The following RPS6KC1 variants were observed in gnomAD, a reference collection of about 807,000 sequenced individuals.
RPS6KC1 encodes inactive ribosomal protein S6 kinase delta-1.
A neutral mutation model predicts 103.8 loss-of-function variants in RPS6KC1; 54 were observed. The ratio of observed to expected loss-of-function variants is 0.52; its 90% CI spans 0.42 to 0.65. The LOEUF is 0.65. Among genes scored for constraint, RPS6KC1 ranks in the 30% least tolerant of loss-of-function variants. The pLI, the probability that RPS6KC1 is intolerant of heterozygous loss-of-function variation, is 0.00. For missense variants in RPS6KC1, 1,151 were observed against 1,253.8 expected (o/e 0.92, Z 1.24); for synonymous variants, 439 against 438.7 (o/e 1.00, Z -0.01).
At chr1:213,445,170 T>C in the RPS6KC1 span, among the ~76,000 whole-genome samples, 1 of 152,260 alleles carries the variant, frequency 6.6e-6, no homozygotes, top group Non-Finnish European at 1.5e-5. Flanking sequence ...TGTTGTCTCA[T>C]GCATCAGCAC....
chr1:213,382,193 A>C, the RPS6KC1 span, among the ~76,000 whole-genome samples: 1 of 152,150 alleles, frequency 6.6e-6, no homozygotes, highest in African/African-American at 2.4e-5. Flanking sequence ...GGGTTGTTTA[A>C]CCAACACTTA....
chr1:213,818,256 T>C, the RPS6KC1 span: 3 of 152,132 alleles, frequency 2.0e-5, no homozygotes, highest in African/African-American at 7.2e-5. Context: ...TTAAGCTCAG[T>C]GAGGAAGGCA....
At chr1:213,311,173 C>T in the RPS6KC1 span, among the ~76,000 whole-genome samples, 2 of 149,508 alleles carry the variant, frequency 1.3e-5, no homozygotes, top group African/African-American at 2.5e-5. Flanking sequence ...GAGTCTCGCT[C>T]TGTTGCCCAG....
At chr1:213,295,992 A>T in the RPS6KC1 span, among the ~76,000 whole-genome samples, 1 of 152,314 alleles carries the variant, frequency 6.6e-6, no homozygotes, top group African/African-American at 2.4e-5. Flanking sequence ...GCAATTTTAG[A>T]ATATTTCTGT....
chr1:213,133,511 T>C (rs1046977992), intron 6 of RPS6KC1, among the ~76,000 whole-genome samples: 1 of 152,186 alleles, frequency 6.6e-6, no homozygotes, highest in African/African-American at 2.4e-5. Context: ...TGCAAACATT[T>C]AATATAATGA....
the RPS6KC1 span, among the ~76,000 whole-genome samples, chr1:213,828,870 A>G: frequency 1.3e-5 from 2 of 152,220 alleles, no homozygotes; most frequent in African/African-American, 2.4e-5. Context: ...TATCTTTCCT[A>G]TGTGGTATAA....
At chr1:213,099,114 A>G (rs1338490804) in intron 3 of RPS6KC1, among the ~76,000 whole-genome samples, 1 of 152,200 alleles carries the variant, frequency 6.6e-6, no homozygotes, top group Admixed American at 6.5e-5. Flanking sequence ...ATACACAAGT[A>G]GAGAATGGTT....
chr1:213,223,349 A>G (rs1386886282), intron 8 of RPS6KC1, among the ~76,000 whole-genome samples: 1 of 152,108 alleles, frequency 6.6e-6, no homozygotes, highest in African/African-American at 2.4e-5. Context: ...GTAGTATTTT[A>G]TCCTTCACCC....
chr1:213,108,952 A>G (rs1056596461), intron 4 of RPS6KC1, among the ~76,000 whole-genome samples: 1 of 151,886 alleles, frequency 6.6e-6, no homozygotes, highest in Non-Finnish European at 1.5e-5. Flanking sequence ...ACCTGGCTGA[A>G]GGTATTGGAA....
chr1:213,521,569 A>G, the RPS6KC1 span, among the ~76,000 whole-genome samples: 31 of 152,182 alleles, frequency 2.0e-4, no homozygotes, highest in Non-Finnish European at 7.3e-5. Context: ...GTACTGTTTG[A>G]TAGCATTTTA....
At chr1:213,323,093 T>C in the RPS6KC1 span, among the ~76,000 whole-genome samples, 1 of 151,916 alleles carries the variant, frequency 6.6e-6, no homozygotes, top group African/African-American at 2.4e-5. Context: ...GCCAGCAGCA[T>C]AGCATCTTCA....
the RPS6KC1 span, among the ~76,000 whole-genome samples, chr1:213,609,053 A>G: frequency 6.6e-6 from 1 of 152,216 alleles, no homozygotes; most frequent in Non-Finnish European, 1.5e-5. Flanking sequence ...AAAAATAAGA[A>G]CACAGAGAAA....
At chr1:213,499,140 G>A in the RPS6KC1 span, among the ~76,000 whole-genome samples, 1 of 152,060 alleles carries the variant, frequency 6.6e-6, no homozygotes, top group Non-Finnish European at 1.5e-5. Flanking sequence ...CTGGAGGAAG[G>A]CCCTTTAAAG....
At chr1:213,159,513 A>G (rs1054955461) in intron 6 of RPS6KC1, among the ~76,000 whole-genome samples, 2 of 152,224 alleles carry the variant, frequency 1.3e-5, no homozygotes, top group Non-Finnish European at 2.9e-5. Context: ...AAAGAGTTAT[A>G]ATTACAGTTG....
chr1:213,727,809 T>G, the RPS6KC1 span, among the ~76,000 whole-genome samples: 4 of 152,222 alleles, frequency 2.6e-5, no homozygotes, highest in Admixed American at 2.0e-4. Flanking sequence ...CAAAAAATGG[T>G]GAAAACAAAC....
chr1:213,322,653 G>A, the RPS6KC1 span, among the ~76,000 whole-genome samples: 2 of 152,178 alleles, frequency 1.3e-5, no homozygotes, highest in African/African-American at 2.4e-5. Context: ...GGCTCTAGAG[G>A]AGAGTCCATT....
intron 1 of RPS6KC1, among the ~76,000 whole-genome samples, chr1:213,063,888 G>C (rs575275036): frequency 6.6e-6 from 1 of 152,148 alleles, no homozygotes; most frequent in African/African-American, 2.4e-5. Context: ...CACTGCTGTA[G>C]GGTAATACTT....
At chr1:213,481,424 A>T in the RPS6KC1 span, among the ~76,000 whole-genome samples, 1 of 152,240 alleles carries the variant, frequency 6.6e-6, no homozygotes, top group Admixed American at 6.5e-5. Context: ...CAAATTTTAA[A>T]GGAGGTGGAC....
the RPS6KC1 span, among the ~76,000 whole-genome samples, chr1:213,766,465 AAC>A: frequency 2.6e-3 from 403 of 152,314 alleles, 3 homozygotes; most frequent in African/African-American, 9.3e-3. Context: ...ATGATGAGGG[AAC>A]ACAGGATTTT....
Sources: allele counts gnomAD v4.1 joint callset (sites outside exome capture counted in the v4.1 genomes callset), GRCh38; gene constraint gnomAD v4.1.1; transcripts MANE v1.5; gene names NCBI Gene and HGNC (gene_info 2026-07-23, HGNC 2026-07-21).